Variants in FSIP2 observed in about 807,000 individuals in gnomAD.
FSIP2 encodes fibrous sheath-interacting protein 2.
In FSIP2, 367 loss-of-function variants were observed where a neutral mutation model predicts 510.5. The ratio of observed to expected loss-of-function variants is 0.72; its 90% confidence interval spans 0.66 to 0.78. The LOEUF is 0.78. Among genes scored for constraint, FSIP2 ranks in the 30% least tolerant of loss-of-function variants. FSIP2 has a pLI of 0.00. For synonymous variants in FSIP2, 2,601 were observed against 2,732.2 expected, an observed-to-expected ratio of 0.95 and a Z score of 1.50; for missense variants, 7,594 against 7,901.7, an observed-to-expected ratio of 0.96 and a Z score of 1.48.
intron 14 of FSIP2, chr2:185,783,835 T>G (rs1459266880): frequency 6.6e-6 from 1 of 152,188 alleles, no homozygotes; most frequent in Non-Finnish European, 1.5e-5. Context: ...TTTTTTATCT[T>G]CTCCTACCCA....
chr2:185,824,034 A>G (rs2105683157), intron 19 of FSIP2, among the ~76,000 whole-genome samples: 1 of 151,746 alleles, frequency 6.6e-6, no homozygotes, highest in Non-Finnish European at 1.5e-5. Context: ...GATAGTCAAA[A>G]TCATAGAGAC....
At position 185,788,875 on chromosome 2, in the gene FSIP2, A is replaced by G; in HGVS notation, c.1739A>G (p.Gln580Arg). The change falls in exon 16 of 23, where the codon CAG (glutamine) becomes CGG (arginine). Residue 580 changes from glutamine to arginine, a missense_variant. Coordinates refer to ENST00000424728, the MANE Select transcript of FSIP2 (RefSeq NM_173651.4). ...ACATCTGCAACAACTAAAACATTTC[A>G]GGCAGAACCCTGTGCATTTGTAGTT... ...SYTSATTKTF[Q>R]AEPCAFVVDT... The G allele has an allele frequency of 6.5e-7, 1 of 1,535,052 alleles. No homozygotes were observed. Among genetic ancestry groups the G allele is most frequent in the Non-Finnish European group, 8.7e-7 (1 of 1,146,026 alleles).
Position 185,791,866 on chromosome 2 carries a change from A to C in FSIP2, c.4730A>C (p.Lys1577Thr). ...TPSTKEMHPN[K>T]LKAVASDILN... Reference sequence around the variant, plus strand: ...AGCACAAAAGAAATGCATCCAAATAAACTAAAAGCTGTAGCTTCAGATATT... The same window carrying C: ...AGCACAAAAGAAATGCATCCAAATACACTAAAAGCTGTAGCTTCAGATATT... Residue 1577 changes from lysine (K) to threonine (T), a missense_variant, in exon 16 of 23, where the codon AAA (lysine) becomes ACA (threonine). By Grantham distance (78) the Lys-to-Thr change is moderately conservative. Transcript: ENST00000424728. 6.5e-7 allele frequency: 1 copy of C among 1,533,854 alleles called. No homozygotes were observed. Among genetic ancestry groups the C allele is most frequent in the Non-Finnish European group, 8.7e-7 (1 of 1,145,460 alleles).
chr2:185,746,124 T>C (rs1692024908), intron 5 of FSIP2, among the ~76,000 whole-genome samples: 2 of 152,096 alleles, frequency 1.3e-5, no homozygotes, highest in Non-Finnish European at 1.5e-5. Context: ...CTGACTTTTA[T>C]TACCTGACTT....
Position 185,804,895 on chromosome 2 carries a change from A to T in FSIP2, c.15589A>T (p.Asn5197Tyr), listed in dbSNP as rs1693527469. The T allele has an allele frequency of 1.3e-6, 2 of 1,524,060 alleles. No homozygotes were observed. Among genetic ancestry groups the T allele is most frequent in the Non-Finnish European group, 1.8e-6 (2 of 1,142,196 alleles). 94.4% of individuals were successfully genotyped at this position (1,524,060 alleles called of 1,614,324 possible). Residue 5197 changes from asparagine (N) to tyrosine (Y), a missense_variant, in exon 17 of 23, where the codon AAT (asparagine) becomes TAT (tyrosine). Asn to Tyr is a moderately radical substitution (Grantham distance 143). Transcript: ENST00000424728. Reference sequence around the variant, plus strand: ...AAATTTGGTCGACTCCATATGTAATAATATTTTGAAAACATCTGAATTCCA... The same window carrying T: ...AAATTTGGTCGACTCCATATGTAATTATATTTTGAAAACATCTGAATTCCA... ...IENLVDSICN[N>Y]ILKTSEFQAE...
upstream of FSIP2, chr2:185,738,714 C>A (rs1387813653): frequency 1.3e-6 from 2 of 1,535,972 alleles, no homozygotes; most frequent in South Asian, 1.2e-5. Flanking sequence ...TGGCGCGAGC[C>A]GCCCCTCAGG....
At position 185,793,889 on chromosome 2, in the gene FSIP2, C is replaced by T. The variant is rs1693201962; in HGVS notation, c.6753C>T (p.Asn2251=). The change falls in exon 16 of 23, where the codon AAC becomes AAT. Residue 2251 remains asparagine (N), a synonymous_variant. Coordinates refer to ENST00000424728, the MANE Select transcript of FSIP2 (RefSeq NM_173651.4). ...CTGACTCATGTGAGGAAAATGCTAA[C>T]TTCATTACTAAAACTATTTTTAAAC... The part of the protein sequence containing the change: ...SATDSCEENA[N]FITKTIFKRL... The T allele has an allele frequency of 3.9e-6, 6 of 1,529,408 alleles. No homozygotes were observed. Among genetic ancestry groups the T allele is most frequent in the Non-Finnish European group, 4.4e-6 (5 of 1,143,868 alleles). The allele number at this position is 1,529,408 out of a possible 1,614,324, so 94.7% of individuals were successfully genotyped here. A position where few individuals can be genotyped will look rare whatever the true frequency, so the allele number is the denominator to read the frequency against.
At position 185,803,515 on chromosome 2, in the gene FSIP2, G is replaced by A; in HGVS notation, c.14209G>A (p.Glu4737Lys). The part of the protein sequence containing the change: ...AARITNIILA[E>K]IFDFQIHPDL... ...AAGAATAACTAATATCATCCTGGCT[G>A]AAATTTTTGATTTCCAAATTCATCC... Residue 4737 changes from glutamate to lysine, a missense_variant, in exon 17 of 23, where the codon GAA becomes AAA. Transcript: ENST00000424728. 2 of 1,532,712 alleles carry A rather than the reference G, an allele frequency of 1.3e-6. No individual in the cohort carries two copies. The highest frequency in any genetic ancestry group is 1.7e-6 in the Non-Finnish European group (2 of 1,144,848). The allele number at this position is 1,532,712 out of a possible 1,614,324, so 94.9% of individuals were successfully genotyped here. A position where few individuals can be genotyped will look rare whatever the true frequency, so the allele number is the denominator to read the frequency against.
In FSIP2 at chr2:185,790,707, A is replaced by C. The variant is rs1280609569; in HGVS notation, c.3571A>C (p.Ser1191Arg). 16 of 1,533,946 alleles carry C rather than the reference A, an allele frequency of 1.0e-5. No individual in the cohort carries two copies. The highest frequency in any genetic ancestry group is 1.3e-5 in the Non-Finnish European group (15 of 1,145,480). The change falls in exon 16 of 23, where the codon AGT becomes CGT. Residue 1191 changes from serine to arginine, a missense_variant. Physicochemically the swap from Ser to Arg is moderately radical, Grantham distance 110 (BLOSUM62 -1). Transcript: ENST00000424728. ...ASNYISNTTK[S>R]SISSSVHQIS... ...AAACTACATTTCCAATACCACTAAA[A>C]GTTCCATTTCATCATCAGTTCATCA... is the stretch of plus-strand genomic sequence containing the variant.
At position 185,808,831 on chromosome 2, in the gene FSIP2, G is replaced by A; in HGVS notation, c.19525G>A (p.Asp6509Asn). 1.2e-6 allele frequency: 2 copies of A among 1,612,536 alleles called. No homozygotes were observed. Among genetic ancestry groups the A allele is most frequent in the Non-Finnish European group, 1.7e-6 (2 of 1,179,366 alleles). ...VIPELEQEKLDQNLSEEESPI... is the reference protein window; with the variant it reads ...VIPELEQEKLNQNLSEEESPI... The stretch of plus-strand genomic sequence containing the variant: ...TCCTGAATTAGAGCAAGAAAAGTTA[G>A]ATCAAAATTTATCTGAAGAGGAATC... Residue 6509 changes from aspartate (D) to asparagine (N), a missense_variant, in exon 17 of 23, where the codon GAT becomes AAT. By Grantham distance (23) the Asp-to-Asn change is conservative. Coordinates refer to ENST00000424728, the MANE Select transcript of FSIP2 (RefSeq NM_173651.4).
At position 185,801,687 on chromosome 2, in the gene FSIP2, A is replaced by C. The variant is rs192275221; in HGVS notation, c.12381A>C (p.Leu4127=). 1,349 of 1,527,348 alleles carry C rather than the reference A, an allele frequency of 8.8e-4. 10 individuals carry two copies. The African/African-American group carries it at 0.017, about 19-fold the overall frequency. 94.6% of individuals were successfully genotyped at this position (1,527,348 alleles called of 1,614,324 possible). A position where few individuals can be genotyped will look rare whatever the true frequency, so the allele number is the denominator to read the frequency against. ...LQSNLTEFTS[L]PRSSSDYSTM... ...GTAACCTAACAGAATTTACTTCTCTACCCAGGTCTTCATCAGACTATAGTA... is the reference window on the plus strand; with the variant it reads ...GTAACCTAACAGAATTTACTTCTCTCCCCAGGTCTTCATCAGACTATAGTA... Residue 4127 remains leucine (L), a synonymous_variant, in exon 17 of 23, where the codon CTA becomes CTC. Coordinates refer to ENST00000424728, the MANE Select transcript of FSIP2 (RefSeq NM_173651.4).
In FSIP2 at chr2:185,791,052, A is replaced by C; in HGVS notation, c.3916A>C (p.Ile1306Leu). ...AATAGTAAACATTGTTTTATGTGCT[A>C]TCCAGAATGAACTGGAACTTCACAA... ...AKIVNIVLCA[I>L]QNELELHKEN... The change falls in exon 16 of 23, where the codon ATC (isoleucine) becomes CTC (leucine). Residue 1306 changes from isoleucine to leucine, a missense_variant. Transcript: ENST00000424728. 1 of 1,532,484 alleles carries C rather than the reference A, an allele frequency of 6.5e-7. No individual in the cohort carries two copies. Among genetic ancestry groups the C allele is most frequent in the Non-Finnish European group, 8.7e-7 (1 of 1,144,758 alleles). 94.9% of individuals were successfully genotyped at this position (1,532,484 alleles called of 1,614,324 possible). A position where few individuals can be genotyped will look rare whatever the true frequency, so the allele number is the denominator to read the frequency against.
Position 185,806,145 on chromosome 2 carries a change from C to A in FSIP2, c.16839C>A (p.Asp5613Glu), listed in dbSNP as rs964609766. 3 of 1,576,144 alleles carry A rather than the reference C, an allele frequency of 1.9e-6. No individual in the cohort carries two copies. The highest frequency in any genetic ancestry group is 2.0e-5 in the Admixed American group (1 of 50,176). Residue 5613 changes from aspartate (D) to glutamate (E), a missense_variant, in exon 17 of 23, where the codon GAC becomes GAA. Coordinates refer to ENST00000424728, the MANE Select transcript of FSIP2 (RefSeq NM_173651.4). ...AAATAGGCTATAAAAAGAAGATTGA[C>A]AATGCAAGGGAAAGCTCATTTAAAA... ...DSEIGYKKKIDNARESSFKKD... is the reference protein window; with the variant it reads ...DSEIGYKKKIENARESSFKKD...
In FSIP2 at chr2:185,804,205, A is replaced by G; in HGVS notation, c.14899A>G (p.Asn4967Asp). 3 of 1,516,968 alleles carry G rather than the reference A, an allele frequency of 2.0e-6. No individual in the cohort carries two copies. The highest frequency in any genetic ancestry group is 2.6e-6 in the Non-Finnish European group (3 of 1,139,224). 94.0% of individuals were successfully genotyped at this position (1,516,968 alleles called of 1,614,324 possible). Residue 4967 changes from asparagine (N) to aspartate (D), a missense_variant, in exon 17 of 23, where the codon AAC becomes GAC. Coordinates refer to ENST00000424728, the MANE Select transcript of FSIP2 (RefSeq NM_173651.4). ...LCKILYAFSH[N>D]MLVTENPDRV... Reference sequence around the variant, plus strand: ...CAAAATTCTTTATGCATTTTCACATAACATGTTGGTTACTGAAAATCCAGA... The same window carrying G: ...CAAAATTCTTTATGCATTTTCACATGACATGTTGGTTACTGAAAATCCAGA...
At chr2:185,824,145 C>A (rs1208549126) in intron 19 of FSIP2, among the ~76,000 whole-genome samples, 1 of 151,724 alleles carries the variant, frequency 6.6e-6, no homozygotes, top group Non-Finnish European at 1.5e-5. Context: ...GAAAAAAGTT[C>A]TGGAGCTGGA....
At position 185,806,360 on chromosome 2, in the gene FSIP2, T is replaced by C. The variant is rs974664878; in HGVS notation, c.17054T>C (p.Phe5685Ser). The C allele has an allele frequency of 6.2e-6, 10 of 1,610,600 alleles. No individual in the cohort carries two copies. The African/African-American group carries it at 9.4e-5, about 15-fold the overall frequency. ...EHVQNVIENI[F>S]EDVLELSSSP... The stretch of plus-strand genomic sequence containing the variant: ...GTTCAAAATGTCATTGAAAATATTT[T>C]TGAAGATGTTTTAGAACTATCTTCT... Residue 5685 changes from phenylalanine (F) to serine (S), a missense_variant, in exon 17 of 23, where the codon TTT becomes TCT. Physicochemically the swap from Phe to Ser is radical, Grantham distance 155. Coordinates refer to ENST00000424728, the MANE Select transcript of FSIP2 (RefSeq NM_173651.4).
At chr2:185,812,225 C>T (rs1009950766) in intron 17 of FSIP2, among the ~76,000 whole-genome samples, 1 of 152,110 alleles carries the variant, frequency 6.6e-6, no homozygotes, top group Non-Finnish European at 1.5e-5. Context: ...TTGAGAGCCC[C>T]ACCCCTTCCA....
In FSIP2 at chr2:185,802,685, AT is replaced by A. The variant is rs1313757425; in HGVS notation, c.13380del (p.Tyr4460Ter). ...STEPSQSVPL[Y>X]NTLLPYTFLE... ...GAGCCAAGCCAGAGTGTACCTCTAT[AT>A]AACACCTTGCTGCCATACACATTTT... On this transcript the variant is annotated frameshift_variant, in exon 17 of 23. Transcript: ENST00000424728. LOFTEE classifies it high-confidence loss of function. 1.3e-6 allele frequency: 2 copies of A among 1,531,530 alleles called. No homozygotes were observed. The highest frequency in any genetic ancestry group is 4.9e-5 in the East Asian group (2 of 40,826). The allele number at this position is 1,531,530 out of a possible 1,614,324, so 94.9% of individuals were successfully genotyped here.
At position 185,801,707 on chromosome 2, in the gene FSIP2, A is replaced by G; in HGVS notation, c.12401A>G (p.Tyr4134Cys). The change falls in exon 17 of 23, where the codon TAT becomes TGT. Residue 4134 changes from tyrosine to cysteine, a missense_variant. Physicochemically the swap from Tyr to Cys is radical, Grantham distance 194. Transcript: ENST00000424728. ...TCTCTACCCAGGTCTTCATCAGACT[A>G]TAGTACCATGTTATCACATTCATTT... The part of the protein sequence containing the change: ...FTSLPRSSSD[Y>C]STMLSHSFLE... 2 of 1,529,682 alleles carry G rather than the reference A, an allele frequency of 1.3e-6. No homozygotes were observed. The highest frequency in any genetic ancestry group is 1.7e-6 in the Non-Finnish European group (2 of 1,143,956). 94.8% of individuals were successfully genotyped at this position (1,529,682 alleles called of 1,614,324 possible). A position where few individuals can be genotyped will look rare whatever the true frequency, so the allele number is the denominator to read the frequency against.
Sources: allele counts gnomAD v4.1 joint callset (sites outside exome capture counted in the v4.1 genomes callset), GRCh38; gene constraint gnomAD v4.1.1; transcripts MANE v1.5; gene names NCBI Gene and HGNC (gene_info 2026-07-23, HGNC 2026-07-21).